Variants in CPED1 observed in about 807,000 individuals in gnomAD.
The protein encoded by CPED1 is cadherin-like and PC-esterase domain-containing protein 1.
CPED1 carries 114 observed loss-of-function variants against 128.2 expected under a neutral mutation model. That is an observed-to-expected ratio of 0.89 (90% CI 0.76 to 1.04). CPED1 has a LOEUF of 1.04. Among genes scored for constraint, CPED1 ranks in the 50% least tolerant of loss-of-function variants. CPED1 has a pLI of 0.00. For synonymous variants in CPED1, 462 were observed against 426.7 expected (o/e 1.08, Z -1.02); for missense variants, 1,211 against 1,207.1 (o/e 1.00, Z -0.05).
chr7:121,204,125 G>A (rs552892421), intron 16 of CPED1, among the ~76,000 whole-genome samples: 2 of 152,118 alleles, frequency 1.3e-5, no homozygotes, highest in East Asian at 1.9e-4. Context: ...AACCTCTTTC[G>A]CCTATTTAAT....
chr7:121,019,544 A>G (rs750377604), intron 3 of CPED1, among the ~76,000 whole-genome samples: 2 of 152,054 alleles, frequency 1.3e-5, no homozygotes, highest in Non-Finnish European at 2.9e-5. Context: ...AAAGAGTAAC[A>G]ATTTTTAGAG....
At chr7:121,123,360 CAA>C (rs1367019885) in intron 7 of CPED1, among the ~76,000 whole-genome samples, 1 of 152,100 alleles carries the variant, frequency 6.6e-6, no homozygotes. Flanking sequence ...ATCATAGCAA[CAA>C]AAGTTTTTCA....
chr7:121,029,281 A>G (rs537899057), intron 3 of CPED1, among the ~76,000 whole-genome samples: 1 of 152,316 alleles, frequency 6.6e-6, no homozygotes, highest in South Asian at 2.1e-4. Flanking sequence ...TTGTGTTATC[A>G]AAATTCTATC....
intron 14 of CPED1, among the ~76,000 whole-genome samples, chr7:121,138,999 G>C (rs1179557242): frequency 6.6e-6 from 1 of 151,942 alleles, no homozygotes; most frequent in African/African-American, 2.4e-5. Context: ...TTAATAAGTG[G>C]TTGAATTTGA....
rs67688816 is a variant in CPED1, at chr7:121,127,539, C to CTT, written c.1302+295_1302+296dup. On this transcript the variant is annotated intron_variant, in intron 10 of 22. Transcript: ENST00000310396. The stretch of plus-strand genomic sequence containing the variant: ...TGTTTTTCTTTTTTTCTTTTTCTTT[C>CTT]TTTTTTTTTTTTTTGAGACAGAGTC... Among the ~76,000 whole-genome samples the CTT allele has an allele frequency of 2.1e-3, 283 of 134,888 alleles. 2 individuals are homozygous for CTT. The highest frequency in any genetic ancestry group is 5.2e-3 in the African/African-American group (189 of 36,578). 88.5% of individuals were successfully genotyped at this position (134,888 alleles called of 152,430 possible).
chr7:121,067,271 C>A (rs1456617335), intron 5 of CPED1, among the ~76,000 whole-genome samples: 1 of 151,232 alleles, frequency 6.6e-6, no homozygotes, highest in East Asian at 1.9e-4. Context: ...CCCATTCCCC[C>A]ACCCCACAAC....
At chr7:121,237,727 T>A (rs1798291951) in intron 17 of CPED1, among the ~76,000 whole-genome samples, 1 of 152,102 alleles carries the variant, frequency 6.6e-6, no homozygotes, top group African/African-American at 2.4e-5. Context: ...GAAAAAACAC[T>A]CAGGAGCTTT....
intron 4 of CPED1, among the ~76,000 whole-genome samples, chr7:121,059,862 C>T (rs948817171): frequency 2.0e-5 from 3 of 152,244 alleles, no homozygotes; most frequent in Non-Finnish European, 4.4e-5. Flanking sequence ...TGGGCTCCCA[C>T]TTTGGCCGCA....
chr7:120,999,237 T>G (rs150387551), intron 2 of CPED1, among the ~76,000 whole-genome samples: 307 of 152,334 alleles, frequency 2.0e-3, no homozygotes, highest in African/African-American at 7.1e-3. Flanking sequence ...ATCTCTTTAC[T>G]GTACTATCTC....
chr7:121,097,712 A>C lies in CPED1; in HGVS notation c.630A>C (p.Pro210=), dbSNP rs774076420. The C allele has an allele frequency of 6.2e-7, 1 of 1,613,660 alleles. No individual in the cohort carries two copies. Among genetic ancestry groups the C allele is most frequent in the African/African-American group, 1.3e-5 (1 of 75,042 alleles). ...IVRRFPELQL[P]VSPSVCLDQG... is the part of the protein sequence containing the mutation. The stretch of plus-strand genomic sequence containing the variant: ...GAATCTTTTCAGAACTGCAACTTCC[A>C]GTGAGTCCCTCTGTGTGTCTGGATC... Residue 210 remains proline, a synonymous_variant, in exon 6 of 23, where the codon CCA becomes CCC. Transcript: ENST00000310396.
intron 16 of CPED1, among the ~76,000 whole-genome samples, chr7:121,144,997 G>A (rs978002432): frequency 6.6e-6 from 1 of 151,892 alleles, no homozygotes; most frequent in Non-Finnish European, 1.5e-5. Context: ...TTGGGCAAAT[G>A]TCCTATATCT....
intron 14 of CPED1, among the ~76,000 whole-genome samples, chr7:121,137,372 T>A (rs1795807915): frequency 6.6e-6 from 1 of 152,014 alleles, no homozygotes; most frequent in African/African-American, 2.4e-5. Context: ...GAGGTCTTGC[T>A]ACATTGCCCA....
intron 22 of CPED1, 27 bp from the exon 23 acceptor site, chr7:121,295,413 C>T: frequency 6.3e-7 from 1 of 1,591,076 alleles, no homozygotes; most frequent in Non-Finnish European, 8.6e-7. Flanking sequence ...GATTTTGCCT[C>T]ACAGTTTTCT....
chr7:121,125,726 G>A lies in CPED1; in HGVS notation c.1062-94G>A. 4 of 841,874 alleles carry A rather than the reference G, an allele frequency of 4.8e-6. No homozygotes were observed. The South Asian group carries it at 5.8e-5, about 12-fold the overall frequency. 52.2% of individuals were successfully genotyped at this position (841,874 alleles called of 1,614,324 possible). A position where few individuals can be genotyped will look rare whatever the true frequency, so the allele number is the denominator to read the frequency against. ...CAGTCTATCATTAATGGGCATTTGG[G>A]TTGGTTCCAAGTTTTGCTGTTATAA... On this transcript the variant is annotated intron_variant, in intron 8 of 22. Transcript: ENST00000310396.
At position 121,269,170 on chromosome 7, in the gene CPED1, G is replaced by A. The variant is rs566526795; in HGVS notation, c.2721+1868G>A. Among the ~76,000 whole-genome samples, 29 of 151,994 alleles carry A rather than the reference G, an allele frequency of 1.9e-4. 1 individual carries two copies. In the Middle Eastern group the frequency reaches 0.014, roughly 71 times the overall value. On this transcript the variant is annotated intron_variant, in intron 21 of 22. Transcript: ENST00000310396. ...ACCCTTTGTCCTCTCCCTTCCTCCC[G>A]CTTCTTGTAGACCCCAGTGTCCATT...
At chr7:121,140,231 G>A (rs868053) in intron 14 of CPED1, among the ~76,000 whole-genome samples, 2 of 151,706 alleles carry the variant, frequency 1.3e-5, no homozygotes, top group African/African-American at 2.4e-5. Flanking sequence ...AGGATAGTAT[G>A]TCCTTCTTAT....
chr7:121,000,178 A>G (rs1294658461), intron 2 of CPED1, among the ~76,000 whole-genome samples: 2 of 152,130 alleles, frequency 1.3e-5, no homozygotes, highest in Admixed American at 6.6e-5. Flanking sequence ...CTTCCTTTAG[A>G]TATTTTTTCC....
intron 18 of CPED1, among the ~76,000 whole-genome samples, chr7:121,248,038 G>A (rs556127182): frequency 1.3e-5 from 2 of 152,200 alleles, no homozygotes; most frequent in Non-Finnish European, 2.9e-5. Context: ...TGGCCTGGGA[G>A]CACTTTAGAT....
Position 121,267,269 on chromosome 7 carries a change from T to C in CPED1, c.2688T>C (p.His896=). ...TCAAAACTTTGGGAATTGGATTTCATCTGCCAGTGGATGGAGTACATTTCT... is the reference window on the plus strand; with the variant it reads ...TCAAAACTTTGGGAATTGGATTTCACCTGCCAGTGGATGGAGTACATTTCT... ...VIIKTLGIGF[H]LPVDGVHFLT... is the part of the protein sequence containing the mutation. Residue 896 remains histidine (H), a synonymous_variant, in exon 21 of 23, where the codon CAT becomes CAC. Coordinates refer to ENST00000310396, the MANE Select transcript of CPED1 (RefSeq NM_024913.5). 6.2e-7 allele frequency: 1 copy of C among 1,600,480 alleles called. No individual in the cohort carries two copies. Among genetic ancestry groups the C allele is most frequent in the Non-Finnish European group, 8.5e-7 (1 of 1,170,940 alleles).
Sources: allele counts gnomAD v4.1 joint callset (sites outside exome capture counted in the v4.1 genomes callset), GRCh38; gene constraint gnomAD v4.1.1; transcripts MANE v1.5; gene names NCBI Gene and HGNC (gene_info 2026-07-23, HGNC 2026-07-21).